The following GRIP1 variants were observed in gnomAD, a reference collection of about 807,000 sequenced individuals.
GRIP1 encodes glutamate receptor-interacting protein 1.
Under a neutral mutation model 129.9 loss-of-function variants are expected in GRIP1, and 45 were observed. That is an observed-to-expected ratio of 0.35 (90% CI 0.27 to 0.44). The LOEUF (loss-of-function observed/expected upper bound fraction) is 0.44, where lower values mean the gene tolerates loss of function less well. Among genes scored for constraint, GRIP1 ranks in the 20% least tolerant of loss-of-function variants. The pLI is 1.00. For synonymous variants in GRIP1, 530 were observed against 520.8 expected (o/e 1.02, Z -0.24); for missense variants, 1,196 against 1,396.8 (o/e 0.86, Z 2.29).
chr12:66,891,709 A>T (rs1336325972), intron 1 of GRIP1, among the ~76,000 whole-genome samples: 1 of 152,206 alleles, frequency 6.6e-6, no homozygotes, highest in East Asian at 1.9e-4. Context: ...ATGCTTTGAC[A>T]TGGAGATTTC....
At chr12:66,734,763 G>T (rs187167272) in intron 1 of GRIP1, among the ~76,000 whole-genome samples, 2 of 152,164 alleles carry the variant, frequency 1.3e-5, no homozygotes, top group Admixed American at 6.5e-5. Flanking sequence ...ATGGTAGGAA[G>T]AGTGTTATAA....
chr12:66,541,435 C>A (rs182760226), intron 3 of GRIP1, among the ~76,000 whole-genome samples: 8 of 152,338 alleles, frequency 5.3e-5, no homozygotes, highest in African/African-American at 1.9e-4. Flanking sequence ...CACTTTTCCC[C>A]ATTCACATTA....
intron 1 of GRIP1, among the ~76,000 whole-genome samples, chr12:66,971,410 GAA>G (rs2042074572): frequency 6.6e-6 from 1 of 152,116 alleles, no homozygotes; most frequent in South Asian, 2.1e-4. Context: ...TGTTTGCTTA[GAA>G]AAGTATTTAT....
chr12:66,687,239 CTG>C (rs2034817746), intron 1 of GRIP1, among the ~76,000 whole-genome samples: 1 of 152,172 alleles, frequency 6.6e-6, no homozygotes, highest in Admixed American at 6.5e-5. Flanking sequence ...TGGAAATACT[CTG>C]TCACCCCTTC....
chr12:66,348,946 G>A lies in GRIP1; in HGVS notation c.*73C>T, dbSNP rs1279511848. The A allele has an allele frequency of 1.9e-6, 2 of 1,054,520 alleles. No individual in the cohort carries two copies. Among genetic ancestry groups the A allele is most frequent in the Non-Finnish European group, 3.0e-6 (2 of 668,898 alleles). 65.3% of individuals were successfully genotyped at this position (1,054,520 alleles called of 1,614,324 possible). On this transcript the variant is annotated 3_prime_UTR_variant, in exon 25 of 25. Coordinates refer to ENST00000359742, the MANE Select transcript of GRIP1 (RefSeq NM_001366722.1). Reference sequence around the variant, plus strand: ...GTTGATTGATTATCTGTGCTTCAAAGGTCACAGAAATCTTAAAGGATTTTT... The same window carrying A: ...GTTGATTGATTATCTGTGCTTCAAAAGTCACAGAAATCTTAAAGGATTTTT...
intron 1 of GRIP1, among the ~76,000 whole-genome samples, chr12:66,656,645 C>A (rs1484424770): frequency 6.6e-6 from 1 of 152,028 alleles, no homozygotes; most frequent in Non-Finnish European, 1.5e-5. Flanking sequence ...GTGCTTCATG[C>A]AAAACTGGAA....
intron 7 of GRIP1, among the ~76,000 whole-genome samples, chr12:66,500,036 AC>A (rs1291438219): frequency 6.6e-6 from 1 of 152,162 alleles, no homozygotes; most frequent in Non-Finnish European, 1.5e-5. Context: ...AGAAACAGGA[AC>A]AATTTTGAAA....
chr12:66,631,715 G>T (rs778624020), intron 1 of GRIP1, among the ~76,000 whole-genome samples: 1 of 152,176 alleles, frequency 6.6e-6, no homozygotes, highest in Non-Finnish European at 1.5e-5. Flanking sequence ...TATTATGGGA[G>T]ACTGATGACA....
intron 2 of GRIP1, among the ~76,000 whole-genome samples, chr12:66,582,574 C>A (rs1436710736): frequency 7.2e-6 from 1 of 138,648 alleles, no homozygotes; most frequent in Non-Finnish European, 1.6e-5. Context: ...GATACAAAAT[C>A]AACGTACAAA....
chr12:66,730,776 A>G (rs1386619498), intron 1 of GRIP1, among the ~76,000 whole-genome samples: 1 of 151,636 alleles, frequency 6.6e-6, no homozygotes, highest in Non-Finnish European at 1.5e-5. Flanking sequence ...GACGGACCAC[A>G]GTACTGAACT....
intron 7 of GRIP1, among the ~76,000 whole-genome samples, chr12:66,502,645 C>T (rs1321610250): frequency 6.6e-6 from 1 of 152,082 alleles, no homozygotes; most frequent in Non-Finnish European, 1.5e-5. Flanking sequence ...GTGGTACCCT[C>T]TCCTTCTCTC....
chr12:66,811,599 T>G (rs554397590), intron 1 of GRIP1, among the ~76,000 whole-genome samples: 115 of 152,318 alleles, frequency 7.5e-4, no homozygotes, highest in Non-Finnish European at 1.3e-3. Context: ...CTTGTCTCTC[T>G]CTGATTCTCT....
intron 1 of GRIP1, among the ~76,000 whole-genome samples, chr12:66,885,562 C>A (rs558289938): frequency 2.6e-4 from 39 of 151,478 alleles, no homozygotes; most frequent in African/African-American, 9.0e-4. Flanking sequence ...CAGGCCTATG[C>A]TAAGATCAGA....
intron 7 of GRIP1, among the ~76,000 whole-genome samples, chr12:66,474,856 C>A (rs539573931): frequency 1.2e-4 from 18 of 152,128 alleles, no homozygotes; most frequent in East Asian, 5.8e-4. Flanking sequence ...AACAACCGGT[C>A]CCAGCCACTG....
intron 17 of GRIP1, among the ~76,000 whole-genome samples, chr12:66,393,661 C>A (rs538995576): frequency 1.5e-4 from 23 of 152,236 alleles, no homozygotes; most frequent in African/African-American, 5.3e-4. Context: ...GAAAGAAATG[C>A]AGTTTAGCGG....
chr12:66,848,542 A>G (rs1309993154), intron 1 of GRIP1, among the ~76,000 whole-genome samples: 2 of 152,138 alleles, frequency 1.3e-5, no homozygotes, highest in African/African-American at 4.8e-5. Flanking sequence ...GGGTAAAATA[A>G]CCTGAATTCA....
chr12:67,008,115 G>C (rs2042654288), intron 1 of GRIP1, among the ~76,000 whole-genome samples: 1 of 152,040 alleles, frequency 6.6e-6, no homozygotes, highest in Admixed American at 6.6e-5. Flanking sequence ...TTTTCTTTTT[G>C]ACAAATGACA....
At position 66,541,817 on chromosome 12, in the gene GRIP1, A is replaced by G. The variant is rs867711989; in HGVS notation, c.270T>C (p.Ala90=). ...VSNLRQGGIA[A]RSDQLDVGDY... is the part of the protein sequence containing the mutation. Reference sequence around the variant, plus strand: ...AGATTTCCCCAAGAGGCAGTTACCTAGCAGCAATTCCTCCTTGCCGCAGAT... The same window carrying G: ...AGATTTCCCCAAGAGGCAGTTACCTGGCAGCAATTCCTCCTTGCCGCAGAT... Residue 90 remains alanine, a splice_region_variant and synonymous_variant, in exon 3 of 25, where the codon GCT becomes GCC. Transcript: ENST00000359742. 4 of 1,613,870 alleles carry G rather than the reference A, an allele frequency of 2.5e-6. No individual in the cohort carries two copies. In the Middle Eastern group the frequency reaches 5.0e-4, roughly 200 times the overall value.
At chr12:66,803,872 C>T in intron 1 of GRIP1, 1 of 308,846 alleles carries the variant, frequency 3.2e-6, no homozygotes, top group Non-Finnish European at 6.6e-6. Flanking sequence ...TGTCTAGATG[C>T]TATTATCTAA....
Sources: allele counts gnomAD v4.1 joint callset (sites outside exome capture counted in the v4.1 genomes callset), GRCh38; gene constraint gnomAD v4.1.1; transcripts MANE v1.5; gene names NCBI Gene and HGNC (gene_info 2026-07-23, HGNC 2026-07-21).